CNTNAP5: variants seen among roughly 807,000 people sequenced by gnomAD.
The protein encoded by CNTNAP5 is contactin associated protein family member 5.
Under a neutral mutation model 150.2 loss-of-function variants are expected in CNTNAP5, and 72 were observed. That is an observed-to-expected ratio of 0.48 (90% CI 0.40 to 0.58). The LOEUF is 0.58. Among genes scored for constraint, CNTNAP5 ranks in the 20% least tolerant of loss-of-function variants. CNTNAP5 has a pLI of 0.00. For missense variants in CNTNAP5, 1,636 were observed against 1,626.2 expected, an observed-to-expected ratio of 1.01 and a Z score of -0.10; for synonymous variants, 672 against 619.8, an observed-to-expected ratio of 1.08 and a Z score of -1.25.
chr2:124,427,645 C>T (rs1234807377), intron 4 of CNTNAP5, among the ~76,000 whole-genome samples: 1 of 151,808 alleles, frequency 6.6e-6, no homozygotes, highest in African/African-American at 2.4e-5. Flanking sequence ...TTAGTAGAGA[C>T]GGGGTTTCAC....
intron 19 of CNTNAP5, among the ~76,000 whole-genome samples, chr2:124,800,939 T>C (rs962259585): frequency 3.3e-5 from 5 of 152,144 alleles, no homozygotes; most frequent in Non-Finnish European, 7.3e-5. Flanking sequence ...CTTGGTTTTA[T>C]ATATTTTATA....
intron 3 of CNTNAP5, among the ~76,000 whole-genome samples, chr2:124,337,801 G>A (rs1432805001): frequency 1.7e-4 from 26 of 152,000 alleles, no homozygotes; most frequent in African/African-American, 6.3e-4. Context: ...TTGAAGTCAG[G>A]TAGTGTGATG....
At chr2:124,515,951 C>T (rs1432787764) in intron 8 of CNTNAP5, among the ~76,000 whole-genome samples, 1 of 152,116 alleles carries the variant, frequency 6.6e-6, no homozygotes, top group Non-Finnish European at 1.5e-5. Context: ...TCCATGATAA[C>T]CTTGCTCTTT....
chr2:124,798,902 G>A lies in CNTNAP5; in HGVS notation c.3217+582G>A, dbSNP rs149737210. On this transcript the variant is annotated intron_variant, in intron 19 of 23. Transcript: ENST00000682447. ...CTATTTTGAAACAGAAAGATTTGGG[G>A]CATTTTATTTGACAAAACTATAGTA... Among the ~76,000 whole-genome samples the A allele has an allele frequency of 6.0e-3, 906 of 151,992 alleles. 1 individual carries two copies. The highest frequency in any genetic ancestry group is 9.6e-3 in the Admixed American group (146 of 15,254).
At chr2:124,578,156 CAAAAAAAA>C (rs556786620) in intron 11 of CNTNAP5, among the ~76,000 whole-genome samples, 536 of 69,478 alleles carry the variant, frequency 7.7e-3, no homozygotes, top group African/African-American at 0.028. Flanking sequence ...ACTAAAAATA[CAAAAAAAA>C]AAAAAAAAAA....
At chr2:124,747,612 T>C (rs1680633924) in intron 14 of CNTNAP5, among the ~76,000 whole-genome samples, 1 of 117,796 alleles carries the variant, frequency 8.5e-6, no homozygotes, top group African/African-American at 3.2e-5. Context: ...CTGCTGCTTC[T>C]TCTTTTTTTT....
chr2:124,848,106 C>A (rs1683086025), intron 19 of CNTNAP5, among the ~76,000 whole-genome samples: 1 of 152,138 alleles, frequency 6.6e-6, no homozygotes, highest in Non-Finnish European at 1.5e-5. Flanking sequence ...ACATCTATCA[C>A]CACCCATGCT....
At chr2:124,057,603 T>C (rs753321783) in intron 1 of CNTNAP5, among the ~76,000 whole-genome samples, 10 of 151,872 alleles carry the variant, frequency 6.6e-5, no homozygotes, top group Non-Finnish European at 1.3e-4. Flanking sequence ...AAGTCCATTC[T>C]TAATTCATAG....
At chr2:124,117,177 C>A (rs985450263) in intron 1 of CNTNAP5, among the ~76,000 whole-genome samples, 1 of 152,158 alleles carries the variant, frequency 6.6e-6, no homozygotes, top group Admixed American at 6.6e-5. Flanking sequence ...ATAAACCGAG[C>A]CAAGAATTTG....
intron 12 of CNTNAP5, among the ~76,000 whole-genome samples, chr2:124,642,296 C>T (rs188538382): frequency 1.3e-4 from 19 of 151,960 alleles, no homozygotes; most frequent in East Asian, 3.9e-4. Context: ...GTTGAGTGTG[C>T]GTGTGTGTGT....
At chr2:124,073,711 A>G (rs1224683322) in intron 1 of CNTNAP5, among the ~76,000 whole-genome samples, 1 of 152,120 alleles carries the variant, frequency 6.6e-6, no homozygotes, top group Non-Finnish European at 1.5e-5. Flanking sequence ...GGATGTGGAG[A>G]AAAGGGAACG....
chr2:124,277,858 G>C (rs1687920951), intron 3 of CNTNAP5, among the ~76,000 whole-genome samples: 1 of 152,134 alleles, frequency 6.6e-6, no homozygotes, highest in Admixed American at 6.6e-5. Context: ...CAGGGTCCAT[G>C]CATTAGCAAT....
At chr2:124,562,331 T>C (rs1167484406) in intron 10 of CNTNAP5, among the ~76,000 whole-genome samples, 1 of 152,226 alleles carries the variant, frequency 6.6e-6, no homozygotes, top group Non-Finnish European at 1.5e-5. Flanking sequence ...ATGTTTGTTA[T>C]AATCATGTTT....
chr2:124,675,178 C>G (rs1405505451), intron 13 of CNTNAP5, among the ~76,000 whole-genome samples: 2 of 151,880 alleles, frequency 1.3e-5, no homozygotes, highest in Non-Finnish European at 2.9e-5. Flanking sequence ...TGATGATTTT[C>G]TCTTATTATT....
chr2:124,432,359 G>A (rs528445088), intron 4 of CNTNAP5, among the ~76,000 whole-genome samples: 14 of 152,200 alleles, frequency 9.2e-5, no homozygotes, highest in East Asian at 1.9e-4. Flanking sequence ...ACATTCTCAC[G>A]CCTCTGTTAT....
intron 11 of CNTNAP5, 106 bp from the exon 12 acceptor site, chr2:124,609,695 G>T: frequency 8.0e-7 from 1 of 1,250,614 alleles, no homozygotes; most frequent in South Asian, 1.6e-5. Context: ...TATAGAAGGA[G>T]GGAAATGAAT....
intron 11 of CNTNAP5, among the ~76,000 whole-genome samples, chr2:124,572,608 G>A (rs1696191017): frequency 6.6e-6 from 1 of 152,132 alleles, no homozygotes; most frequent in African/African-American, 2.4e-5. Flanking sequence ...ATGAGCACAG[G>A]GGATGTTTGG....
chr2:124,422,064 A>G (rs900430011), intron 4 of CNTNAP5, among the ~76,000 whole-genome samples: 2 of 152,352 alleles, frequency 1.3e-5, no homozygotes, highest in East Asian at 1.9e-4. Flanking sequence ...CTTAATTGGC[A>G]CAAAAAGACA....
intron 11 of CNTNAP5, among the ~76,000 whole-genome samples, chr2:124,602,502 T>C (rs1398680273): frequency 6.6e-6 from 1 of 152,104 alleles, no homozygotes; most frequent in Non-Finnish European, 1.5e-5. Context: ...TGTTTGTGTT[T>C]TTTTAAACTG....
Sources: gnomAD v4.1 joint callset for allele counts (sites outside exome capture counted in the v4.1 genomes callset) on GRCh38, gnomAD v4.1.1 for gene constraint, MANE v1.5 for transcripts, NCBI Gene and HGNC (gene_info 2026-07-23, HGNC 2026-07-21) for gene names.